NAALADL2: variants seen among roughly 807,000 people sequenced by gnomAD.
NAALADL2 encodes the protein N-acetylated alpha-linked acidic dipeptidase like 2.
In NAALADL2, 76 loss-of-function variants were observed where a neutral mutation model predicts 87.2. The observed-to-expected ratio is 0.87, with a 90% CI of 0.72 to 1.05. The LOEUF is 1.05. Ranked by LOEUF, NAALADL2 falls within the 50% of genes least tolerant of loss-of-function variation. NAALADL2 has a pLI of 0.00. For synonymous variants in NAALADL2, 354 were observed against 331.0 expected, an observed-to-expected ratio of 1.07 and a Z score of -0.75; for missense variants, 1,089 against 945.8, an observed-to-expected ratio of 1.15 and a Z score of -1.99.
chr3:175,300,423 C>CT (rs1162205815), intron 4 of NAALADL2, among the ~76,000 whole-genome samples: 8 of 151,734 alleles, frequency 5.3e-5, no homozygotes, highest in Non-Finnish European at 1.0e-4. Context: ...TGGTCTTGGG[C>CT]TTTTTTTTGG....
intron 13 of NAALADL2, among the ~76,000 whole-genome samples, chr3:175,783,819 G>C (rs1424598087): frequency 6.7e-6 from 1 of 149,174 alleles, no homozygotes; most frequent in Non-Finnish European, 1.5e-5. Flanking sequence ...TGCCCATTCA[G>C]TATGATGTTG....
intron 5 of NAALADL2, among the ~76,000 whole-genome samples, chr3:175,345,535 AG>A (rs1412647101): frequency 6.6e-6 from 1 of 152,162 alleles, no homozygotes; most frequent in African/African-American, 2.4e-5. Context: ...TTTCTGTTGT[AG>A]GGCAAAGAGA....
chr3:175,746,376 C>A, intron 12 of NAALADL2, among the ~76,000 whole-genome samples: 1 of 103,534 alleles, frequency 9.7e-6, no homozygotes, highest in Admixed American at 1.1e-4. Flanking sequence ...TTTTTTTTTT[C>A]TAAAAATTAA....
intron 2 of NAALADL2, among the ~76,000 whole-genome samples, chr3:175,198,322 T>C (rs1450907015): frequency 6.6e-6 from 1 of 152,078 alleles, no homozygotes; most frequent in Non-Finnish European, 1.5e-5. Flanking sequence ...TTATTTTTAA[T>C]GTTTAAAAGT....
intron 1 of NAALADL2, among the ~76,000 whole-genome samples, chr3:174,543,305 G>C (rs989833250): frequency 1.3e-5 from 2 of 152,018 alleles, no homozygotes; most frequent in Non-Finnish European, 2.9e-5. Context: ...AGATGAAGTC[G>C]GCTGAATGGG....
chr3:174,614,897 G>T (rs1345220829), intron 2 of NAALADL2, among the ~76,000 whole-genome samples: 1 of 152,134 alleles, frequency 6.6e-6, no homozygotes, highest in Non-Finnish European at 1.5e-5. Context: ...ATTCAACTGA[G>T]ATGGGGAAAT....
intron 1 of NAALADL2, among the ~76,000 whole-genome samples, chr3:174,987,794 TTA>T (rs1318063466): frequency 4.0e-5 from 5 of 126,040 alleles, no homozygotes; most frequent in Admixed American, 7.4e-5. Context: ...ACCTGGTTAA[TTA>T]TATATATATA....
intron 9 of NAALADL2, among the ~76,000 whole-genome samples, chr3:175,547,483 A>G (rs1279756490): frequency 6.6e-6 from 1 of 152,176 alleles, no homozygotes; most frequent in African/African-American, 2.4e-5. Flanking sequence ...AATACCATTG[A>G]GGACATAGGC....
At chr3:175,677,787 G>A (rs1735021428) in intron 11 of NAALADL2, among the ~76,000 whole-genome samples, 1 of 152,154 alleles carries the variant, frequency 6.6e-6, no homozygotes, top group African/African-American at 2.4e-5. Context: ...AAAGTGAAGT[G>A]AAGGAGCGAG....
chr3:175,775,999 C>G (rs1750182521), intron 13 of NAALADL2, among the ~76,000 whole-genome samples: 1 of 152,130 alleles, frequency 6.6e-6, no homozygotes, highest in South Asian at 2.1e-4. Flanking sequence ...TTCTCCCTCA[C>G]TTCCGTCTAA....
intron 2 of NAALADL2, among the ~76,000 whole-genome samples, chr3:174,636,906 T>G (rs1722707159): frequency 6.6e-6 from 1 of 152,220 alleles, no homozygotes; most frequent in Non-Finnish European, 1.5e-5. Context: ...ACAGCAAGGA[T>G]ATGAACTCAA....
chr3:174,512,495 T>C (rs1290109989), intron 1 of NAALADL2, among the ~76,000 whole-genome samples: 2 of 152,170 alleles, frequency 1.3e-5, no homozygotes, highest in East Asian at 3.9e-4. Flanking sequence ...TGCTCTACAA[T>C]TTTCCAGTGA....
At chr3:175,210,089 T>C (rs1170484259) in intron 2 of NAALADL2, among the ~76,000 whole-genome samples, 1 of 151,780 alleles carries the variant, frequency 6.6e-6, no homozygotes, top group East Asian at 1.9e-4. Flanking sequence ...ATATATGTAA[T>C]GTAAAGACAG....
At chr3:174,887,787 C>T (rs756468742) in intron 1 of NAALADL2, among the ~76,000 whole-genome samples, 5 of 150,640 alleles carry the variant, frequency 3.3e-5, no homozygotes, top group African/African-American at 9.8e-5. Flanking sequence ...CAGAGCGATA[C>T]CCTGTCTCAA....
At chr3:175,172,766 A>C (rs368025282) in intron 2 of NAALADL2, among the ~76,000 whole-genome samples, 1 of 152,162 alleles carries the variant, frequency 6.6e-6, no homozygotes, top group Non-Finnish European at 1.5e-5. Context: ...TGAGGCAGTG[A>C]GTTCTAAATG....
rs754821802 is a variant in NAALADL2 at position 175,803,236 on chromosome 3, C to T, written c.*33C>T. ...CTGAGCATTTTTAAAAGTTTGTTTACAATTCCACAAGCAAAAGCTCTAATT... is the reference window on the plus strand; with the variant it reads ...CTGAGCATTTTTAAAAGTTTGTTTATAATTCCACAAGCAAAAGCTCTAATT... On this transcript the variant is annotated 3_prime_UTR_variant, in exon 14 of 14. Transcript: ENST00000454872. 2.7e-5 allele frequency: 41 copies of T among 1,500,634 alleles called. No homozygotes were observed. The highest frequency in any genetic ancestry group is 3.4e-5 in the Non-Finnish European group (38 of 1,106,362). The allele number at this position is 1,500,634 out of a possible 1,614,324, so 93.0% of individuals were successfully genotyped here. A position where few individuals can be genotyped will look rare whatever the true frequency, so the allele number is the denominator to read the frequency against.
At chr3:174,926,727 A>G (rs568319545) in intron 1 of NAALADL2, among the ~76,000 whole-genome samples, 5 of 152,200 alleles carry the variant, frequency 3.3e-5, no homozygotes, top group South Asian at 2.1e-4. Flanking sequence ...GAAAGGAACA[A>G]CTGGTTCCAG....
intron 4 of NAALADL2, among the ~76,000 whole-genome samples, chr3:175,307,480 T>G (rs930235472): frequency 1.3e-5 from 2 of 152,126 alleles, no homozygotes; most frequent in Non-Finnish European, 2.9e-5. Context: ...CCTTGAACAT[T>G]TGGAGACATA....
At chr3:175,102,764 T>C (rs1722435144) in intron 2 of NAALADL2, among the ~76,000 whole-genome samples, 1 of 152,126 alleles carries the variant, frequency 6.6e-6, no homozygotes, top group Non-Finnish European at 1.5e-5. Context: ...ATAAGCAATA[T>C]AAAAGACCAT....
Sources: gnomAD v4.1 joint callset for allele counts (sites outside exome capture counted in the v4.1 genomes callset) on GRCh38, gnomAD v4.1.1 for gene constraint, MANE v1.5 for transcripts, NCBI Gene and HGNC (gene_info 2026-07-23, HGNC 2026-07-21) for gene names.